The following NAALADL2 variants were observed in gnomAD, a reference collection of about 807,000 sequenced individuals.
NAALADL2 encodes the protein N-acetylated alpha-linked acidic dipeptidase like 2.
In NAALADL2, 76 loss-of-function variants were observed where a neutral mutation model predicts 87.2. That is an observed-to-expected ratio of 0.87 (90% CI 0.72 to 1.05). NAALADL2 has a LOEUF of 1.05. Among genes scored for constraint, NAALADL2 ranks in the 50% least tolerant of loss-of-function variants. The probability of loss-of-function intolerance (pLI) is 0.00; values close to 1 mark genes in which losing one functional copy is unlikely to be tolerated. For missense variants in NAALADL2, 1,089 were observed against 945.8 expected, an observed-to-expected ratio of 1.15 and a Z score of -1.99; for synonymous variants, 354 against 331.0, an observed-to-expected ratio of 1.07 and a Z score of -0.75.
At chr3:174,605,908 G>A (rs1718993839) in intron 2 of NAALADL2, among the ~76,000 whole-genome samples, 1 of 152,292 alleles carries the variant, frequency 6.6e-6, no homozygotes, top group East Asian at 1.9e-4. Context: ...AGCCTAACTG[G>A]GAGGCACCCC....
At chr3:175,600,362 T>G (rs1722788047) in intron 10 of NAALADL2, among the ~76,000 whole-genome samples, 1 of 151,862 alleles carries the variant, frequency 6.6e-6, no homozygotes, top group Non-Finnish European at 1.5e-5. Flanking sequence ...TCTTTTAAGG[T>G]ATAAACTATC....
intron 1 of NAALADL2, among the ~76,000 whole-genome samples, chr3:175,034,673 A>G (rs1425367168): frequency 2.6e-5 from 4 of 152,128 alleles, no homozygotes; most frequent in African/African-American, 9.7e-5. Flanking sequence ...GCTAGATCCA[A>G]ACTGCCGAGA....
At chr3:175,668,633 T>C (rs1733533064) in intron 11 of NAALADL2, among the ~76,000 whole-genome samples, 1 of 152,156 alleles carries the variant, frequency 6.6e-6, no homozygotes, top group East Asian at 1.9e-4. Context: ...CAAATCTTAA[T>C]GATTTATATT....
intron 5 of NAALADL2, among the ~76,000 whole-genome samples, chr3:175,429,732 T>G (rs760530850): frequency 6.6e-6 from 1 of 152,022 alleles, no homozygotes; most frequent in Admixed American, 6.6e-5. Context: ...ATTAGAATAC[T>G]ATTAGAATTA....
At chr3:174,609,928 A>T (rs1348180314) in intron 2 of NAALADL2, among the ~76,000 whole-genome samples, 1 of 152,196 alleles carries the variant, frequency 6.6e-6, no homozygotes, top group African/African-American at 2.4e-5. Flanking sequence ...ACAAGGCTAC[A>T]GTAACCAAAA....
At chr3:174,669,267 T>C (rs80114290) in intron 2 of NAALADL2, among the ~76,000 whole-genome samples, 1 of 8,464 alleles carries the variant, frequency 1.2e-4, no homozygotes, top group African/African-American at 8.1e-4. Flanking sequence ...TGATGGGGTT[T>C]TTTTTTCTTG....
intron 9 of NAALADL2, among the ~76,000 whole-genome samples, chr3:175,476,616 T>G (rs1217521012): frequency 6.6e-6 from 1 of 152,156 alleles, no homozygotes; most frequent in East Asian, 1.9e-4. Context: ...CAAGAAATAA[T>G]GCTCATTCCC....
chr3:174,987,632 T>A (rs1224586632), intron 1 of NAALADL2, among the ~76,000 whole-genome samples: 1 of 145,824 alleles, frequency 6.9e-6, no homozygotes, highest in Non-Finnish European at 1.5e-5. Flanking sequence ...TAGAATTTAT[T>A]TTTTTTGAAG....
At chr3:175,308,924 T>C (rs1276436524) in intron 4 of NAALADL2, among the ~76,000 whole-genome samples, 2 of 152,196 alleles carry the variant, frequency 1.3e-5, no homozygotes, top group Non-Finnish European at 2.9e-5. Context: ...GCATCCAATT[T>C]GCTCCCCTAT....
chr3:174,666,345 C>T (rs900649223), intron 2 of NAALADL2, among the ~76,000 whole-genome samples: 1 of 152,070 alleles, frequency 6.6e-6, no homozygotes, highest in Admixed American at 6.6e-5. Flanking sequence ...ACACCAAGCA[C>T]GAATAGTATG....
intron 9 of NAALADL2, among the ~76,000 whole-genome samples, chr3:175,555,648 A>T (rs181303427): frequency 3.1e-4 from 47 of 152,330 alleles, no homozygotes; most frequent in African/African-American, 1.1e-3. Context: ...ATAGCTGTTG[A>T]TTGTGCAATG....
At chr3:175,518,317 A>T (rs1732163220) in intron 9 of NAALADL2, among the ~76,000 whole-genome samples, 1 of 152,178 alleles carries the variant, frequency 6.6e-6, no homozygotes. Flanking sequence ...AAATTTTCAA[A>T]CAACAATTAA....
chr3:174,474,812 A>C (rs1328289117), intron 1 of NAALADL2, among the ~76,000 whole-genome samples: 1 of 152,164 alleles, frequency 6.6e-6, no homozygotes, highest in Non-Finnish European at 1.5e-5. Context: ...ATCTCAGAGC[A>C]GGTAAAGCAA....
intron 10 of NAALADL2, among the ~76,000 whole-genome samples, chr3:175,614,588 G>T (rs1725091749): frequency 6.6e-6 from 1 of 152,126 alleles, no homozygotes; most frequent in Non-Finnish European, 1.5e-5. Flanking sequence ...ATTTTGCTGT[G>T]TAGCTATTAT....
chr3:175,640,795 C>A, intron 11 of NAALADL2, among the ~76,000 whole-genome samples: 1 of 152,118 alleles, frequency 6.6e-6, no homozygotes, highest in Admixed American at 6.5e-5. Context: ...GTGTTGTATA[C>A]GAGTTTTTAT....
At chr3:175,161,099 G>A (rs889817253) in intron 2 of NAALADL2, among the ~76,000 whole-genome samples, 3 of 152,064 alleles carry the variant, frequency 2.0e-5, no homozygotes, top group Non-Finnish European at 2.9e-5. Flanking sequence ...AAAGATAACC[G>A]TAAATGATTA....
intron 5 of NAALADL2, among the ~76,000 whole-genome samples, chr3:175,412,271 G>A (rs1291977288): frequency 1.3e-5 from 2 of 152,140 alleles, no homozygotes; most frequent in African/African-American, 2.4e-5. Flanking sequence ...GCACGTGCAC[G>A]CGTATAGTTT....
intron 1 of NAALADL2, among the ~76,000 whole-genome samples, chr3:174,956,967 G>A (rs1429740833): frequency 6.6e-6 from 1 of 151,976 alleles, no homozygotes; most frequent in Non-Finnish European, 1.5e-5. Flanking sequence ...TTTCAGGGAT[G>A]TAGCTTTCTC....
chr3:174,575,655 A>G lies in NAALADL2; in HGVS notation c.-115+25018A>G, dbSNP rs370229159. The stretch of plus-strand genomic sequence containing the variant: ...ATTCCATTGTGAAATTTCTAAATTT[A>G]GTGACAGTCACCGAAGTTACATATA... On this transcript the variant is annotated intron_variant, in intron 2 of 3. Coordinates refer to the NAALADL2 transcript ENST00000434257. Among the ~76,000 whole-genome samples, 12 of 152,346 alleles carry G rather than the reference A, an allele frequency of 7.9e-5. No individual in the cohort carries two copies. The East Asian group carries it at 1.5e-3, about 20-fold the overall frequency.
Sources: allele counts gnomAD v4.1 joint callset (sites outside exome capture counted in the v4.1 genomes callset), GRCh38; gene constraint gnomAD v4.1.1; transcripts MANE v1.5; gene names NCBI Gene and HGNC (gene_info 2026-07-23, HGNC 2026-07-21).